PTPRD: variants seen among roughly 807,000 people sequenced by gnomAD.
The protein encoded by PTPRD is receptor-type tyrosine-protein phosphatase delta.
In PTPRD, 34 loss-of-function variants were observed where a neutral mutation model predicts 214.5. The ratio of observed to expected loss-of-function variants is 0.16; its 90% CI spans 0.12 to 0.21. The LOEUF (loss-of-function observed/expected upper bound fraction) is 0.21, where lower values mean the gene tolerates loss of function less well. Ranked by LOEUF, PTPRD falls within the 10% of genes least tolerant of loss-of-function variation. The pLI is 1.00. For missense variants in PTPRD, 2,545 were observed against 2,398.7 expected (o/e 1.06, Z -1.27); for synonymous variants, 1,128 against 845.7 (o/e 1.33, Z -5.79).
intron 4 of PTPRD, among the ~76,000 whole-genome samples, chr9:9,946,993 G>A (rs189205636): frequency 8.9e-4 from 135 of 151,750 alleles, no homozygotes; most frequent in African/African-American, 3.2e-3. Context: ...CATGCATAGA[G>A]TTCTATTTGC....
chr9:9,803,682 A>G (rs1334185650), intron 5 of PTPRD: 1 of 151,994 alleles, frequency 6.6e-6, no homozygotes, highest in African/African-American at 2.4e-5. Context: ...CAAAATTTTT[A>G]ATTTATAAAT....
chr9:9,917,726 T>C (rs1158927396), intron 5 of PTPRD, among the ~76,000 whole-genome samples: 6 of 151,478 alleles, frequency 4.0e-5, no homozygotes, highest in Non-Finnish European at 5.9e-5. Context: ...CAACAACACA[T>C]CAAAAAGATA....
intron 5 of PTPRD, among the ~76,000 whole-genome samples, chr9:9,817,399 G>A (rs1038119839): frequency 6.6e-6 from 1 of 152,076 alleles, no homozygotes; most frequent in African/African-American, 2.4e-5. Context: ...AACACGAAAA[G>A]TGGAAGTAAG....
At chr9:9,386,690 A>G (rs1384892397) in intron 9 of PTPRD, among the ~76,000 whole-genome samples, 2 of 152,210 alleles carry the variant, frequency 1.3e-5, no homozygotes, top group Non-Finnish European at 2.9e-5. Context: ...CTTCACATGT[A>G]CATAAAATCA....
intron 7 of PTPRD, among the ~76,000 whole-genome samples, chr9:9,664,910 C>T (rs1004171963): frequency 2.0e-4 from 30 of 151,620 alleles, no homozygotes; most frequent in Admixed American, 1.1e-3. Flanking sequence ...GTTCTAATCA[C>T]CAGTTCCTAG....
intron 11 of PTPRD, among the ~76,000 whole-genome samples, chr9:9,001,592 A>G (rs1589589839): frequency 6.6e-6 from 1 of 152,060 alleles, no homozygotes; most frequent in East Asian, 1.9e-4. Flanking sequence ...TTTTAAGAGA[A>G]GTTGGTGGAA....
At chr9:9,589,308 T>C (rs1305926630) in intron 7 of PTPRD, among the ~76,000 whole-genome samples, 6 of 151,944 alleles carry the variant, frequency 3.9e-5, no homozygotes, top group Non-Finnish European at 5.9e-5. Flanking sequence ...ATTTAGATGT[T>C]CTTGGTTGCA....
At chr9:9,610,883 T>C (rs971594721) in intron 7 of PTPRD, among the ~76,000 whole-genome samples, 1 of 152,184 alleles carries the variant, frequency 6.6e-6, no homozygotes, top group African/African-American at 2.4e-5. Flanking sequence ...TTATTTCTGC[T>C]AAAACAACCC....
chr9:8,375,318 CA>C (rs1225829538), intron 39 of PTPRD, among the ~76,000 whole-genome samples: 1 of 151,850 alleles, frequency 6.6e-6, no homozygotes, highest in Non-Finnish European at 1.5e-5. Flanking sequence ...GCAAAAAATA[CA>C]AACTATACAT....
intron 3 of PTPRD, among the ~76,000 whole-genome samples, chr9:10,186,395 C>T (rs1383245044): frequency 6.6e-6 from 1 of 151,892 alleles, no homozygotes; most frequent in Non-Finnish European, 1.5e-5. Context: ...GATTTCAGTT[C>T]TTAAATGACT....
chr9:10,143,692 T>A (rs144248632), intron 3 of PTPRD, among the ~76,000 whole-genome samples: 35 of 152,230 alleles, frequency 2.3e-4, no homozygotes, highest in African/African-American at 7.7e-4. Context: ...AAAGAAAATG[T>A]GGTACATATA....
intron 2 of PTPRD, among the ~76,000 whole-genome samples, chr9:10,386,658 A>AG (rs2097918836): frequency 2.8e-5 from 1 of 35,608 alleles, no homozygotes; most frequent in Non-Finnish European, 5.5e-5. Flanking sequence ...CCAAAGACCA[A>AG]AAAAACAAAA....
chr9:9,930,334 G>A (rs139717862), intron 5 of PTPRD, among the ~76,000 whole-genome samples: 1 of 152,154 alleles, frequency 6.6e-6, no homozygotes, highest in African/African-American at 2.4e-5. Flanking sequence ...AGAATAAAAA[G>A]GGCAAGAATG....
intron 3 of PTPRD, among the ~76,000 whole-genome samples, chr9:10,071,441 C>T (rs185568876): frequency 2.6e-5 from 4 of 151,874 alleles, no homozygotes; most frequent in Admixed American, 2.6e-4. Flanking sequence ...ATCAATGAAA[C>T]AGAATACAGA....
At chr9:8,929,903 ATATATATGTGTGTG>A (rs1567065143) in intron 11 of PTPRD, among the ~76,000 whole-genome samples, 1 of 53,442 alleles carries the variant, frequency 1.9e-5, no homozygotes, top group African/African-American at 4.6e-5. Flanking sequence ...ATATATGTGT[ATATATATGTGTGTG>A]TATATATATA....
chr9:8,755,553 A>G (rs538344154), intron 11 of PTPRD, among the ~76,000 whole-genome samples: 1 of 152,028 alleles, frequency 6.6e-6, no homozygotes, highest in East Asian at 1.9e-4. Flanking sequence ...AAACAGCAGC[A>G]CAAATTAGAA....
chr9:8,538,785 G>A (rs2077603321), intron 14 of PTPRD, among the ~76,000 whole-genome samples: 1 of 151,898 alleles, frequency 6.6e-6, no homozygotes, highest in Non-Finnish European at 1.5e-5. Context: ...GCTGGGAGCA[G>A]TAATACCCAG....
chr9:8,547,317 T>C (rs2080472377), intron 14 of PTPRD, among the ~76,000 whole-genome samples: 1 of 151,972 alleles, frequency 6.6e-6, no homozygotes, highest in South Asian at 2.1e-4. Flanking sequence ...TAGTAAACAC[T>C]AACTTAAAGG....
At chr9:8,921,935 AGAG>A (rs572682615) in intron 11 of PTPRD, among the ~76,000 whole-genome samples, 9 of 152,180 alleles carry the variant, frequency 5.9e-5, no homozygotes, top group Middle Eastern at 3.2e-3. Context: ...ACACAGAAGA[AGAG>A]GAGGCAAAAT....
Sources: allele counts gnomAD v4.1 joint callset (sites outside exome capture counted in the v4.1 genomes callset), GRCh38; gene constraint gnomAD v4.1.1; transcripts MANE v1.5; gene names NCBI Gene and HGNC (gene_info 2026-07-23, HGNC 2026-07-21).